The following CA10 variants were observed in gnomAD, a reference collection of about 807,000 sequenced individuals.
CA10 encodes the protein carbonic anhydrase 10 (inactive).
A neutral mutation model predicts 44.2 loss-of-function variants in CA10; 14 were observed. The ratio of observed to expected loss-of-function variants is 0.32; its 90% CI spans 0.21 to 0.50. The LOEUF (loss-of-function observed/expected upper bound fraction) is 0.50. Ranked by LOEUF, CA10 falls within the 20% of genes least tolerant of loss-of-function variation. The probability of loss-of-function intolerance (pLI) is 0.99; values close to 1 mark genes in which losing one functional copy is unlikely to be tolerated. For missense variants in CA10, 350 were observed against 409.7 expected (o/e 0.85, Z 1.26); for synonymous variants, 159 against 141.6 (o/e 1.12, Z -0.87).
At chr17:51,960,425 A>G (rs1186322820) in intron 2 of CA10, among the ~76,000 whole-genome samples, 1 of 151,310 alleles carries the variant, frequency 6.6e-6, no homozygotes, top group Non-Finnish European at 1.5e-5. Context: ...CCCACCACCA[A>G]AAAAAAAATT....
intron 2 of CA10, among the ~76,000 whole-genome samples, chr17:51,988,583 T>A (rs1984926457): frequency 6.6e-6 from 1 of 151,962 alleles, no homozygotes; most frequent in African/African-American, 2.4e-5. Flanking sequence ...TATGCAACAC[T>A]GTTGTAATAA....
chr17:52,115,712 C>A (rs775996331), intron 1 of CA10, among the ~76,000 whole-genome samples: 9 of 152,218 alleles, frequency 5.9e-5, no homozygotes, highest in Non-Finnish European at 1.0e-4. Flanking sequence ...AAGGGCCCTG[C>A]GTGGCTGGCT....
At chr17:51,655,160 T>C (rs1407402513) in intron 4 of CA10, among the ~76,000 whole-genome samples, 1 of 152,218 alleles carries the variant, frequency 6.6e-6, no homozygotes, top group African/African-American at 2.4e-5. Flanking sequence ...CCAATGCATA[T>C]AGATCTCCCC....
intron 1 of CA10, among the ~76,000 whole-genome samples, chr17:52,136,616 G>A (rs1174177077): frequency 6.6e-6 from 1 of 152,106 alleles, no homozygotes; most frequent in East Asian, 1.9e-4. Context: ...TTTTTTGTGT[G>A]GGTGCTTGAT....
intron 3 of CA10, among the ~76,000 whole-genome samples, chr17:51,872,421 A>G (rs924323122): frequency 1.3e-5 from 2 of 152,062 alleles, no homozygotes; most frequent in African/African-American, 4.8e-5. Flanking sequence ...AGCACCCCAA[A>G]CCATTGTTTC....
intron 3 of CA10, 149 bp from the exon 4 acceptor site, chr17:51,747,967 C>G (rs1366986209): frequency 1.7e-6 from 1 of 597,196 alleles, no homozygotes; most frequent in African/African-American, 1.9e-5. Context: ...GGCAGCTGCC[C>G]CAGAGGGTAT....
At chr17:51,948,681 C>T (rs1983373955) in intron 2 of CA10, among the ~76,000 whole-genome samples, 1 of 152,028 alleles carries the variant, frequency 6.6e-6, no homozygotes, top group African/African-American at 2.4e-5. Flanking sequence ...GCACCAGGGT[C>T]TTTTATGTGT....
At chr17:51,813,544 G>C (rs571045282) in intron 3 of CA10, among the ~76,000 whole-genome samples, 1 of 152,280 alleles carries the variant, frequency 6.6e-6, no homozygotes, top group Non-Finnish European at 1.5e-5. Context: ...TGACCCTAAG[G>C]TCAGTGTTAT....
chr17:52,127,174 A>C (rs1989136909), intron 1 of CA10, among the ~76,000 whole-genome samples: 1 of 152,212 alleles, frequency 6.6e-6, no homozygotes, highest in African/African-American at 2.4e-5. Context: ...GTATGTAATC[A>C]CAAACATATA....
chr17:51,767,162 T>C (rs929835105), intron 3 of CA10, among the ~76,000 whole-genome samples: 1 of 152,220 alleles, frequency 6.6e-6, no homozygotes, highest in Admixed American at 6.5e-5. Context: ...GATTTAATTA[T>C]GCCTGTATTT....
chr17:51,834,945 CG>C (rs2143793009), intron 3 of CA10, among the ~76,000 whole-genome samples: 1 of 152,232 alleles, frequency 6.6e-6, no homozygotes, highest in South Asian at 2.1e-4. Flanking sequence ...TGACAGACAA[CG>C]GTTCCCAGGA....
chr17:51,689,328 T>C (rs982085739), intron 4 of CA10, among the ~76,000 whole-genome samples: 1 of 152,210 alleles, frequency 6.6e-6, no homozygotes, highest in Non-Finnish European at 1.5e-5. Context: ...CATGTAAAGC[T>C]CCTAGAGGTG....
At chr17:52,140,001 C>T (rs1989442503) in intron 1 of CA10, among the ~76,000 whole-genome samples, 2 of 152,172 alleles carry the variant, frequency 1.3e-5, no homozygotes, top group Admixed American at 6.5e-5. Flanking sequence ...AACACGGTCT[C>T]TAGTGATCTG....
intron 4 of CA10, among the ~76,000 whole-genome samples, chr17:51,689,448 A>T (rs1915114198): frequency 1.3e-5 from 2 of 152,232 alleles, no homozygotes; most frequent in Non-Finnish European, 2.9e-5. Context: ...TTACATGAAT[A>T]TGTGATGGAA....
intron 3 of CA10, among the ~76,000 whole-genome samples, chr17:51,883,792 A>G (rs913035976): frequency 2.0e-5 from 3 of 152,100 alleles, no homozygotes; most frequent in African/African-American, 7.2e-5. Context: ...AATATCATCT[A>G]TGTTAAATAC....
At chr17:51,808,543 C>T (rs1907225282) in intron 3 of CA10, among the ~76,000 whole-genome samples, 1 of 152,038 alleles carries the variant, frequency 6.6e-6, no homozygotes, top group African/African-American at 2.4e-5. Flanking sequence ...CTCCTTGTCC[C>T]TAGAAAAGCT....
intron 3 of CA10, among the ~76,000 whole-genome samples, chr17:51,802,585 A>G (rs982343958): frequency 6.6e-6 from 1 of 151,486 alleles, no homozygotes. Context: ...AAAAAAAAAA[A>G]AAACAACCAG....
At chr17:52,054,026 C>A (rs1987153622) in intron 2 of CA10, among the ~76,000 whole-genome samples, 1 of 152,004 alleles carries the variant, frequency 6.6e-6, no homozygotes, top group African/African-American at 2.4e-5. Flanking sequence ...TGTGTTTGAA[C>A]AATATGAAAT....
In CA10 at chr17:51,791,361, C is replaced by A. The variant is rs528874593; in HGVS notation, c.280-43543G>T. 2.0e-5 allele frequency among the ~76,000 whole-genome samples: 3 copies of A among 152,298 alleles called. No individual in the cohort carries two copies. In the South Asian group the frequency reaches 6.2e-4, roughly 32 times the overall value. ...CAAGGAATGCTCATATTTCTATCTT[C>A]ATTTACAAAGTTAAAATTAATATTC... On this transcript the variant is annotated intron_variant, in intron 3 of 8. Transcript: ENST00000451037.
Sources: gnomAD v4.1 joint callset for allele counts (sites outside exome capture counted in the v4.1 genomes callset) on GRCh38, gnomAD v4.1.1 for gene constraint, MANE v1.5 for transcripts, NCBI Gene and HGNC (gene_info 2026-07-23, HGNC 2026-07-21) for gene names.